Variants in WDR49 observed in about 807,000 individuals in gnomAD.
WDR49 encodes WD repeat domain 49, also known as cilia- and flagella-associated protein 337.
Under a neutral mutation model 119.5 loss-of-function variants are expected in WDR49, and 107 were observed. That is an observed-to-expected ratio of 0.90 (90% CI 0.77 to 1.05). The LOEUF is 1.05. Ranked by LOEUF, WDR49 falls within the 50% of genes least tolerant of loss-of-function variation. WDR49 has a pLI of 0.00. For missense variants in WDR49, 1,240 were observed against 1,220.5 expected, an observed-to-expected ratio of 1.02 and a Z score of -0.24; for synonymous variants, 425 against 418.8, an observed-to-expected ratio of 1.01 and a Z score of -0.18.
At chr3:167,567,811 A>T (rs1713693620) in intron 8 of WDR49, among the ~76,000 whole-genome samples, 1 of 152,206 alleles carries the variant, frequency 6.6e-6, no homozygotes, top group African/African-American at 2.4e-5. Context: ...AAAGAACTTT[A>T]AAAAGCAGTC....
rs1577220116 is a variant in WDR49 at position 167,529,284 on chromosome 3, T to G, written c.2219-45A>C. ...TCTAACTAGAAAACTGAACAACAAA[T>G]GCCAGAAATAACTTCTTCAGTGGCT... is the stretch of plus-strand genomic sequence containing the variant. On this transcript the variant is annotated intron_variant, in intron 13 of 18. Coordinates refer to ENST00000682715, the MANE Select transcript of WDR49 (RefSeq NM_001366157.1). The G allele has an allele frequency of 4.7e-6, 7 of 1,492,668 alleles. No individual in the cohort carries two copies. In the East Asian group the frequency reaches 1.7e-4, roughly 35 times the overall value. The allele number at this position is 1,492,668 out of a possible 1,614,324, so 92.5% of individuals were successfully genotyped here.
chr3:167,620,505 TG>T lies in WDR49; in HGVS notation c.881del (p.Ala294GlufsTer14). ...DGEATMTINW[A>X]ELLSGCHKCC... The stretch of plus-strand genomic sequence containing the variant: ...ATTTGTGACATCCAGAGAGCAGCTC[TG>T]CCCAGTTAATGGTCATAGTGGCTTC... On this transcript the variant is annotated frameshift_variant, in exon 5 of 19. Transcript: ENST00000682715. LOFTEE classifies it high-confidence loss of function. The T allele has an allele frequency of 6.5e-7, 1 of 1,536,166 alleles. No homozygotes were observed. The highest frequency in any genetic ancestry group is 8.7e-7 in the Non-Finnish European group (1 of 1,146,772).
At chr3:167,530,984 T>A in intron 13 of WDR49, 131 bp downstream of exon 13, 1 of 916,968 alleles carries the variant, frequency 1.1e-6, no homozygotes, top group Non-Finnish European at 1.6e-6. Flanking sequence ...CCATGGTCTG[T>A]GACCTCACTT....
chr3:167,519,657 G>A (rs1181448265), intron 16 of WDR49, among the ~76,000 whole-genome samples: 1 of 151,854 alleles, frequency 6.6e-6, no homozygotes, highest in Admixed American at 6.6e-5. Context: ...GGGGGAGGGG[G>A]AGCATCATGA....
At position 167,647,336 on chromosome 3, in the gene WDR49, G is replaced by GT. The variant is rs1417758312; in HGVS notation, c.165+5924dup. 6.6e-5 allele frequency among the ~76,000 whole-genome samples: 10 copies of GT among 152,258 alleles called. No individual in the cohort carries two copies. In the East Asian group the frequency reaches 1.7e-3, roughly 26 times the overall value. On this transcript the variant is annotated intron_variant, in intron 2 of 18. Transcript: ENST00000682715. ...CACACACTGATCCAGATTAATTTTT[G>GT]TAAGTGCCTGTTGTAAAAGTACACA...
chr3:167,641,956 A>G (rs1044188194), intron 2 of WDR49, among the ~76,000 whole-genome samples: 3 of 151,922 alleles, frequency 2.0e-5, no homozygotes, highest in Non-Finnish European at 4.4e-5. Flanking sequence ...ACACATAGAC[A>G]TACATGTATT....
intron 16 of WDR49, among the ~76,000 whole-genome samples, chr3:167,511,772 G>A (rs949253377): frequency 8.5e-5 from 13 of 152,180 alleles, no homozygotes; most frequent in African/African-American, 1.4e-4. Flanking sequence ...TTCCCCTGCC[G>A]GTGTTGGGGA....
At chr3:167,550,082 C>T (rs1178211661) in intron 10 of WDR49, among the ~76,000 whole-genome samples, 13 of 151,800 alleles carry the variant, frequency 8.6e-5, no homozygotes, top group Admixed American at 4.6e-4. Context: ...TACCATGCTG[C>T]TTTGGTTACT....
At chr3:167,650,558 GAGAT>G (rs1421512218) in intron 2 of WDR49, among the ~76,000 whole-genome samples, 4 of 152,152 alleles carry the variant, frequency 2.6e-5, no homozygotes, top group African/African-American at 9.7e-5. Flanking sequence ...TATGAAATGA[GAGAT>G]AGAACAATTA....
chr3:167,552,871 C>A (rs1177810266), intron 10 of WDR49, among the ~76,000 whole-genome samples: 1 of 152,068 alleles, frequency 6.6e-6, no homozygotes, highest in Non-Finnish European at 1.5e-5. Context: ...TCGAACCAAT[C>A]TCTGTATTTG....
At chr3:167,497,863 C>T (rs1751416184) in intron 18 of WDR49, among the ~76,000 whole-genome samples, 1 of 149,612 alleles carries the variant, frequency 6.7e-6, no homozygotes, top group South Asian at 2.1e-4. Flanking sequence ...ATAAGTACTT[C>T]CCATATTCAT....
At chr3:167,564,609 G>C (rs771590526) in intron 8 of WDR49, among the ~76,000 whole-genome samples, 1 of 152,130 alleles carries the variant, frequency 6.6e-6, no homozygotes, top group Non-Finnish European at 1.5e-5. Flanking sequence ...TGATGAGGAC[G>C]GGGCCCTGAC....
At chr3:167,555,233 C>T (rs982549770) in intron 9 of WDR49, among the ~76,000 whole-genome samples, 1 of 152,040 alleles carries the variant, frequency 6.6e-6, no homozygotes, top group African/African-American at 2.4e-5. Flanking sequence ...TGTAATGGAG[C>T]CTCCATAAAA....
intron 16 of WDR49, among the ~76,000 whole-genome samples, chr3:167,518,699 A>G (rs1752313242): frequency 6.6e-6 from 1 of 151,108 alleles, no homozygotes; most frequent in South Asian, 2.1e-4. Flanking sequence ...GTTCACTCTG[A>G]TGGTAGTTTC....
chr3:167,626,829 A>C (rs1477213071), intron 3 of WDR49, 23 bp downstream of exon 3: 16 of 1,233,706 alleles, frequency 1.3e-5, no homozygotes, highest in Non-Finnish European at 1.6e-5. Flanking sequence ...CAAGCAGTAC[A>C]TTTTTTTATA....
rs374787036 is a variant in WDR49, at chr3:167,505,660, C to A, written c.2775-244G>T. On this transcript the variant is annotated intron_variant, in intron 16 of 18. Coordinates refer to ENST00000682715, the MANE Select transcript of WDR49 (RefSeq NM_001366157.1). ...GTCCAAGAGTCTAATTAAGCAAAGC[C>A]CTGTCCCCATAGCAACAAGGTTAGA... 2.2e-4 allele frequency among the ~76,000 whole-genome samples: 33 copies of A among 152,186 alleles called. 1 individual carries two copies. In the South Asian group the frequency reaches 6.4e-3, roughly 30 times the overall value.
intron 16 of WDR49, among the ~76,000 whole-genome samples, chr3:167,515,901 A>G (rs1480280086): frequency 1.3e-5 from 2 of 152,188 alleles, no homozygotes; most frequent in African/African-American, 4.8e-5. Context: ...CAGAGAATAA[A>G]ATATCTAGGA....
intron 11 of WDR49, among the ~76,000 whole-genome samples, chr3:167,534,264 G>T (rs918275978): frequency 4.6e-5 from 7 of 152,096 alleles, no homozygotes; most frequent in Non-Finnish European, 1.0e-4. Context: ...ATGGAGTTCA[G>T]CTGTCCATAG....
chr3:167,569,604 G>A (rs1204457712), intron 8 of WDR49, among the ~76,000 whole-genome samples: 1 of 151,456 alleles, frequency 6.6e-6, no homozygotes, highest in Non-Finnish European at 1.5e-5. Context: ...AGCTGAGGCA[G>A]GACAGTCACC....
Sources: gnomAD v4.1 joint callset for allele counts (sites outside exome capture counted in the v4.1 genomes callset) on GRCh38, gnomAD v4.1.1 for gene constraint, MANE v1.5 for transcripts, NCBI Gene and HGNC (gene_info 2026-07-23, HGNC 2026-07-21) for gene names.